Variants in CSGALNACT1 observed in about 807,000 individuals in gnomAD.
The protein encoded by CSGALNACT1 is beta4GalNAcT-1.
A neutral mutation model predicts 51.0 loss-of-function variants in CSGALNACT1; 52 were observed. That is an observed-to-expected ratio of 1.02 (90% CI 0.82 to 1.29). The LOEUF is 1.29. CSGALNACT1 is among the 50% of genes most tolerant of loss of function. The pLI is 0.00. For missense variants in CSGALNACT1, 935 were observed against 679.2 expected (o/e 1.38, Z -4.19); for synonymous variants, 341 against 254.4 (o/e 1.34, Z -3.24).
intron 3 of CSGALNACT1, among the ~76,000 whole-genome samples, chr8:19,558,667 C>T (rs531810054): frequency 3.7e-4 from 56 of 152,266 alleles, no homozygotes; most frequent in African/African-American, 1.2e-3. Flanking sequence ...AGAAAATGCA[C>T]TACTCAACTA....
chr8:19,636,988 G>A (rs1425324882), intron 1 of CSGALNACT1, among the ~76,000 whole-genome samples: 1 of 151,796 alleles, frequency 6.6e-6, no homozygotes, highest in Non-Finnish European at 1.5e-5. Context: ...TCAGGAATTC[G>A]AGATCAGCCT....
chr8:19,562,668 C>A (rs574719664), intron 3 of CSGALNACT1, among the ~76,000 whole-genome samples: 2 of 152,208 alleles, frequency 1.3e-5, no homozygotes, highest in African/African-American at 4.8e-5. Flanking sequence ...AGACAAGAAA[C>A]ATATGAAGAA....
intron 4 of CSGALNACT1, among the ~76,000 whole-genome samples, chr8:19,491,510 A>G (rs1273092874): frequency 3.3e-5 from 5 of 152,220 alleles, no homozygotes; most frequent in Admixed American, 6.5e-5. Flanking sequence ...TCCTAACAAT[A>G]TGTGTCATCA....
At position 19,680,571 on chromosome 8, in the gene CSGALNACT1, C is replaced by A. The variant is rs1057044372; in HGVS notation, c.-544+1902G>T. ...AATCTGCACCCTCGCCCCACCCCCC[C>A]CCCCCCCCACAAAAAAAGAGAATAG... On this transcript the variant is annotated intron_variant, in intron 1 of 9. Transcript: ENST00000332246. 2.7e-4 allele frequency among the ~76,000 whole-genome samples: 27 copies of A among 98,394 alleles called. 2 individuals carry two copies. Among genetic ancestry groups the A allele is most frequent in the East Asian group, 3.5e-4 (1 of 2,878 alleles). 64.6% of individuals were successfully genotyped at this position (98,394 alleles called of 152,430 possible).
At chr8:19,478,269 CCGGGTGTGGTGG>C (rs2070325707) in intron 4 of CSGALNACT1, among the ~76,000 whole-genome samples, 1 of 151,942 alleles carries the variant, frequency 6.6e-6, no homozygotes. Flanking sequence ...AAAAAATTGG[CCGGGTGTGGTGG>C]CGGGCACCTG....
At chr8:19,619,167 C>G (rs779359492) in intron 1 of CSGALNACT1, among the ~76,000 whole-genome samples, 4 of 139,856 alleles carry the variant, frequency 2.9e-5, no homozygotes, top group Non-Finnish European at 6.0e-5. Context: ...TACTCAGACT[C>G]AAATCTGAGT....
rs114059476 is a variant in CSGALNACT1, at chr8:19,405,267, T to C, written c.*513A>G. ...ACACGATATTTATGGTTTCTTTTCT[T>C]TTCTGGTCCATTTTATTTTACTTAA... On this transcript the variant is annotated 3_prime_UTR_variant, in exon 10 of 10. Coordinates refer to ENST00000454498, the Ensembl canonical transcript of CSGALNACT1. 1,054 of 453,638 alleles carry C rather than the reference T, an allele frequency of 2.3e-3. 6 individuals carry two copies. The highest frequency in any genetic ancestry group is 0.019 in the African/African-American group (968 of 50,104). 28.1% of individuals were successfully genotyped at this position (453,638 alleles called of 1,614,324 possible).
chr8:19,473,199 T>G (rs1436215914), intron 4 of CSGALNACT1, among the ~76,000 whole-genome samples: 1 of 152,208 alleles, frequency 6.6e-6, no homozygotes, highest in African/African-American at 2.4e-5. Flanking sequence ...ATATACAAAT[T>G]AGCATATGTA....
At chr8:19,415,352 A>G (rs1179337348) in intron 8 of CSGALNACT1, among the ~76,000 whole-genome samples, 1 of 152,226 alleles carries the variant, frequency 6.6e-6, no homozygotes, top group African/African-American at 2.4e-5. Context: ...GGAGTCCTTC[A>G]TCTCAAGGAG....
intron 3 of CSGALNACT1, among the ~76,000 whole-genome samples, chr8:19,519,850 G>C (rs1431079340): frequency 1.3e-5 from 2 of 152,202 alleles, no homozygotes; most frequent in Non-Finnish European, 2.9e-5. Context: ...TGATGGAGAA[G>C]CCTGGTCTGC....
chr8:19,697,858 C>T (rs1444041905), intron 1 of CSGALNACT1, among the ~76,000 whole-genome samples: 2 of 151,864 alleles, frequency 1.3e-5, no homozygotes, highest in East Asian at 3.9e-4. Flanking sequence ...GAGAGGGTAA[C>T]GTGAATTAGA....
chr8:19,478,432 A>G (rs999779081), intron 4 of CSGALNACT1, among the ~76,000 whole-genome samples: 2 of 151,618 alleles, frequency 1.3e-5, no homozygotes, highest in Non-Finnish European at 2.9e-5. Flanking sequence ...AAAAAAAAAA[A>G]AAAAAAGGTA....
At chr8:19,694,564 C>T (rs2061492502) in intron 1 of CSGALNACT1, among the ~76,000 whole-genome samples, 1 of 152,252 alleles carries the variant, frequency 6.6e-6, no homozygotes, top group Admixed American at 6.5e-5. Flanking sequence ...CCTAAGCCTA[C>T]ACACACTATA....
At chr8:19,638,554 A>C (rs556578588) in intron 1 of CSGALNACT1, among the ~76,000 whole-genome samples, 13 of 152,358 alleles carry the variant, frequency 8.5e-5, no homozygotes, top group Non-Finnish European at 1.5e-4. Context: ...ACAAGTGAAA[A>C]GGCTAACAAT....
intron 1 of CSGALNACT1, among the ~76,000 whole-genome samples, chr8:19,616,416 T>C (rs970179910): frequency 1.3e-5 from 2 of 152,054 alleles, no homozygotes; most frequent in Non-Finnish European, 2.9e-5. Flanking sequence ...AAAAAAATTG[T>C]AGAATCCTGA....
intron 5 of CSGALNACT1, among the ~76,000 whole-genome samples, chr8:19,456,618 A>T (rs924270398): frequency 6.6e-6 from 1 of 152,228 alleles, no homozygotes; most frequent in Non-Finnish European, 1.5e-5. Flanking sequence ...AAACACTAAA[A>T]GAAGGTTGAA....
intron 8 of CSGALNACT1, among the ~76,000 whole-genome samples, chr8:19,413,250 G>A (rs552508734): frequency 3.3e-4 from 50 of 152,124 alleles, no homozygotes; most frequent in African/African-American, 1.1e-3. Context: ...AAATGCCCTC[G>A]TTGCCCCCAT....
intron 6 of CSGALNACT1, among the ~76,000 whole-genome samples, chr8:19,435,775 G>C (rs2060279405): frequency 6.6e-6 from 1 of 152,152 alleles, no homozygotes; most frequent in Non-Finnish European, 1.5e-5. Flanking sequence ...TACAGAATAA[G>C]AATCAGATAT....
At chr8:19,582,753 T>C (rs940107134) in intron 3 of CSGALNACT1, among the ~76,000 whole-genome samples, 2 of 152,152 alleles carry the variant, frequency 1.3e-5, no homozygotes, top group Non-Finnish European at 2.9e-5. Context: ...AGCCAAGCTA[T>C]CTGAGTCCCT....
Sources: gnomAD v4.1 joint callset for allele counts (sites outside exome capture counted in the v4.1 genomes callset) on GRCh38, gnomAD v4.1.1 for gene constraint, MANE v1.5 for transcripts, NCBI Gene and HGNC (gene_info 2026-07-23, HGNC 2026-07-21) for gene names.